The following EPHA6 variants were observed in gnomAD, a reference collection of about 807,000 sequenced individuals.
EPHA6 encodes EPH receptor A6.
EPHA6 carries 50 observed loss-of-function variants against 112.0 expected under a neutral mutation model. That is an observed-to-expected ratio of 0.45 (90% CI 0.36 to 0.56). EPHA6 has a LOEUF of 0.56. Ranked by LOEUF, EPHA6 falls within the 20% of genes least tolerant of loss-of-function variation. EPHA6 has a pLI of 0.00. For missense variants in EPHA6, 1,280 were observed against 1,417.4 expected (o/e 0.90, Z 1.56); for synonymous variants, 529 against 490.7 (o/e 1.08, Z -1.03).
intron 5 of EPHA6, among the ~76,000 whole-genome samples, chr3:97,397,847 T>C (rs2086781594): frequency 6.6e-6 from 1 of 151,562 alleles, no homozygotes; most frequent in South Asian, 2.1e-4. Context: ...TAGTATGCAT[T>C]GTTAAAAATA....
chr3:97,066,343 A>T (rs2046178111), intron 3 of EPHA6, among the ~76,000 whole-genome samples: 1 of 152,122 alleles, frequency 6.6e-6, no homozygotes, highest in Non-Finnish European at 1.5e-5. Flanking sequence ...CAAAAGTGAA[A>T]ATTTCTCTAA....
At chr3:97,148,169 T>C (rs1380517107) in intron 3 of EPHA6, among the ~76,000 whole-genome samples, 1 of 152,112 alleles carries the variant, frequency 6.6e-6, no homozygotes, top group Non-Finnish European at 1.5e-5. Context: ...GTACTTCATA[T>C]CTTTAAAATG....
At chr3:97,097,828 T>A (rs2047286858) in intron 3 of EPHA6, among the ~76,000 whole-genome samples, 1 of 151,924 alleles carries the variant, frequency 6.6e-6, no homozygotes, top group Non-Finnish European at 1.5e-5. Context: ...TGTATGCAGC[T>A]AATGTATCCA....
chr3:97,515,283 G>A (rs929428368), intron 10 of EPHA6, among the ~76,000 whole-genome samples: 1 of 152,176 alleles, frequency 6.6e-6, no homozygotes, highest in Non-Finnish European at 1.5e-5. Flanking sequence ...TGGCCAAAGG[G>A]CAAGTGAAAG....
At chr3:97,305,742 A>C (rs1676463835) in intron 5 of EPHA6, among the ~76,000 whole-genome samples, 1 of 151,872 alleles carries the variant, frequency 6.6e-6, no homozygotes, top group African/African-American at 2.4e-5. Flanking sequence ...CGAGAGCATT[A>C]AAATAAATAG....
intron 3 of EPHA6, among the ~76,000 whole-genome samples, chr3:97,158,769 G>T (rs1005533539): frequency 6.6e-6 from 1 of 152,122 alleles, no homozygotes; most frequent in African/African-American, 2.4e-5. Flanking sequence ...AGACAAATTG[G>T]ACCAGGGGAA....
chr3:97,683,702 A>G (rs951429032), intron 14 of EPHA6, among the ~76,000 whole-genome samples: 1 of 152,082 alleles, frequency 6.6e-6, no homozygotes, highest in Non-Finnish European at 1.5e-5. Flanking sequence ...TCGGCTGCTC[A>G]CCAACCCCAC....
intron 3 of EPHA6, among the ~76,000 whole-genome samples, chr3:97,118,648 C>T (rs1438337155): frequency 6.6e-6 from 1 of 151,820 alleles, no homozygotes; most frequent in Non-Finnish European, 1.5e-5. Flanking sequence ...TAGGGTAGAA[C>T]TTGTATATTT....
chr3:97,003,932 G>T (rs1191832932), intron 3 of EPHA6, among the ~76,000 whole-genome samples: 2 of 151,954 alleles, frequency 1.3e-5, no homozygotes, highest in East Asian at 3.9e-4. Flanking sequence ...TGAGGATGAG[G>T]GCTTCCAGCT....
intron 3 of EPHA6, among the ~76,000 whole-genome samples, chr3:97,059,000 C>T (rs1043816237): frequency 1.3e-5 from 2 of 152,086 alleles, no homozygotes; most frequent in South Asian, 2.1e-4. Context: ...TGGGGGGACG[C>T]AGATTATCTC....
Position 97,641,805 on chromosome 3 carries a change from G to A in EPHA6, c.2784+3723G>A, listed in dbSNP as rs948980210. Among the ~76,000 whole-genome samples the A allele has an allele frequency of 9.9e-4, 151 of 152,254 alleles. 1 individual carries two copies. The highest frequency in any genetic ancestry group is 2.6e-4 in the Non-Finnish European group (18 of 68,022). On this transcript the variant is annotated intron_variant, in intron 14 of 17. Coordinates refer to ENST00000389672, the MANE Select transcript of EPHA6 (RefSeq NM_001080448.3). ...GAGGGTCCTATGCCCACGGAGTCTC[G>A]CTGATTGCTAGCACAGCAGTCTGAG...
At chr3:97,700,820 A>G (rs1271361792) in intron 14 of EPHA6, among the ~76,000 whole-genome samples, 1 of 152,234 alleles carries the variant, frequency 6.6e-6, no homozygotes, top group Non-Finnish European at 1.5e-5. Flanking sequence ...ATGTACAAAG[A>G]TGTAATTTTC....
chr3:96,895,242 CTTGT>C (rs2038202141), intron 2 of EPHA6, among the ~76,000 whole-genome samples: 1 of 151,174 alleles, frequency 6.6e-6, no homozygotes, highest in African/African-American at 2.4e-5. Flanking sequence ...TTAAGCTAAT[CTTGT>C]TTTTTTTTCT....
chr3:97,727,516 T>C (rs143664508), intron 15 of EPHA6, among the ~76,000 whole-genome samples: 1 of 152,196 alleles, frequency 6.6e-6, no homozygotes, highest in East Asian at 1.9e-4. Context: ...AGCATGATTT[T>C]ATGACTCAGA....
intron 1 of EPHA6, among the ~76,000 whole-genome samples, chr3:96,847,156 A>T (rs900689578): frequency 5.3e-5 from 8 of 151,834 alleles, no homozygotes; most frequent in African/African-American, 1.5e-4. Context: ...TTTTGCTTCA[A>T]TTTTTTTTAT....
chr3:97,627,714 A>G (rs1329495116), intron 13 of EPHA6, among the ~76,000 whole-genome samples: 1 of 151,966 alleles, frequency 6.6e-6, no homozygotes, highest in African/African-American at 2.4e-5. Flanking sequence ...TTATGTAAGA[A>G]GAATAGTAAA....
chr3:96,902,726 G>A (rs1383146067), intron 2 of EPHA6, among the ~76,000 whole-genome samples: 1 of 152,118 alleles, frequency 6.6e-6, no homozygotes, highest in Non-Finnish European at 1.5e-5. Flanking sequence ...AAGCAGAAGA[G>A]GGGAAAAATG....
intron 14 of EPHA6, among the ~76,000 whole-genome samples, chr3:97,695,665 C>T (rs978611035): frequency 2.0e-5 from 3 of 152,284 alleles, no homozygotes; most frequent in East Asian, 3.9e-4. Flanking sequence ...CTCAGCTTCC[C>T]GAGTGTCTGG....
intron 3 of EPHA6, among the ~76,000 whole-genome samples, chr3:97,146,429 A>C (rs762953532): frequency 4.0e-5 from 6 of 151,742 alleles, no homozygotes; most frequent in Non-Finnish European, 5.9e-5. Context: ...CCATATCCCT[A>C]GCATCTCTCT....
Sources: allele counts gnomAD v4.1 joint callset (sites outside exome capture counted in the v4.1 genomes callset), GRCh38; gene constraint gnomAD v4.1.1; transcripts MANE v1.5; gene names NCBI Gene and HGNC (gene_info 2026-07-23, HGNC 2026-07-21).